The following F13B variants were observed in gnomAD, a reference collection of about 807,000 sequenced individuals.
F13B encodes the protein coagulation factor XIII B chain.
F13B carries 58 observed loss-of-function variants against 79.8 expected under a neutral mutation model. The ratio of observed to expected loss-of-function variants is 0.73; its 90% CI spans 0.59 to 0.90. The LOEUF is 0.90. Among genes scored for constraint, F13B ranks in the 40% least tolerant of loss-of-function variants. The pLI is 0.00. For synonymous variants in F13B, 283 were observed against 260.3 expected, an observed-to-expected ratio of 1.09 and a Z score of -0.84; for missense variants, 773 against 777.0, an observed-to-expected ratio of 0.99 and a Z score of 0.06.
At chr1:197,061,201 A>G in intron 3 of F13B, 126 bp from the exon 4 acceptor site, 1 of 520,512 alleles carries the variant, frequency 1.9e-6, no homozygotes, top group Non-Finnish European at 3.2e-6. Flanking sequence ...AAATTGAAAA[A>G]TAGCCCCAAT....
At position 197,050,679 on chromosome 1, in the gene F13B, A is replaced by T; in HGVS notation, c.1738+18T>A. On this transcript the variant is annotated intron_variant, in intron 10 of 11. Coordinates refer to ENST00000367412, the MANE Select transcript of F13B (RefSeq NM_001994.3). Reference sequence around the variant, plus strand: ...TATATAGTTTTACTTTGTTAGAGGCATATTTAGTAGTACATACCTAAACAC... The same window carrying T: ...TATATAGTTTTACTTTGTTAGAGGCTTATTTAGTAGTACATACCTAAACAC... The T allele has an allele frequency of 6.2e-7, 1 of 1,608,734 alleles. No homozygotes were observed. Among genetic ancestry groups the T allele is most frequent in the East Asian group, 2.2e-5 (1 of 44,756 alleles).
intron 10 of F13B, among the ~76,000 whole-genome samples, chr1:197,046,633 A>T (rs552006343): frequency 3.4e-4 from 52 of 152,302 alleles, no homozygotes; most frequent in African/African-American, 1.1e-3. Flanking sequence ...ACTACCATTG[A>T]CTTTCTTCAC....
intron 7 of F13B, 92 bp from the exon 8 acceptor site, chr1:197,055,989 A>G (rs1655628241): frequency 9.2e-7 from 1 of 1,089,042 alleles, no homozygotes; most frequent in East Asian, 2.6e-5. Context: ...TGTATTATAT[A>G]ATTTAGGACA....
In F13B at chr1:197,067,224, C is replaced by A. The variant is rs769513899; in HGVS notation, c.-1G>T. ...TAAAAGTCAGGTTTTTCAACCTCAT[C>A]TTCAGTGGTGTGCTTCACAAAGATT... On this transcript the variant is annotated 5_prime_UTR_variant, in exon 1 of 12. Coordinates refer to ENST00000367412, the MANE Select transcript of F13B (RefSeq NM_001994.3). 6 of 1,606,562 alleles carry A rather than the reference C, an allele frequency of 3.7e-6. No homozygotes were observed. The highest frequency in any genetic ancestry group is 3.3e-5 in the Admixed American group (2 of 59,920).
chr1:197,039,115 A>G lies in F13B; in HGVS notation c.*263T>C, dbSNP rs1000589721. 14 of 410,702 alleles carry G rather than the reference A, an allele frequency of 3.4e-5. No individual in the cohort carries two copies. The highest frequency in any genetic ancestry group is 2.3e-4 in the South Asian group (7 of 30,572). The allele number at this position is 410,702 out of a possible 1,614,324, so 25.4% of individuals were successfully genotyped here. On this transcript the variant is annotated 3_prime_UTR_variant, in exon 12 of 12. Coordinates refer to ENST00000367412, the MANE Select transcript of F13B (RefSeq NM_001994.3). ...TAGTCTAGTCAATGGGCATTAGGAA[A>G]TGAAAATATGATGTGTAGATTAATT...
intron 7 of F13B, 109 bp downstream of exon 7, chr1:197,056,904 T>C: frequency 9.1e-7 from 1 of 1,095,088 alleles, no homozygotes; most frequent in Non-Finnish European, 1.4e-6. Context: ...AATGTGTTTC[T>C]AATTTGCCTA....
chr1:197,040,041 T>C (rs1363319942), intron 11 of F13B: 2 of 153,960 alleles, frequency 1.3e-5, no homozygotes, highest in African/African-American at 4.8e-5. Flanking sequence ...TTCCTGTAAG[T>C]AGCAGAGGAT....
At chr1:197,045,868 A>T (rs920981899) in intron 10 of F13B, among the ~76,000 whole-genome samples, 1 of 152,192 alleles carries the variant, frequency 6.6e-6, no homozygotes, top group Non-Finnish European at 1.5e-5. Context: ...ACATACACAA[A>T]TCAATAAACA....
chr1:197,058,692 T>C (rs1447069699), intron 5 of F13B, among the ~76,000 whole-genome samples: 4 of 152,184 alleles, frequency 2.6e-5, no homozygotes, highest in Non-Finnish European at 5.9e-5. Flanking sequence ...ATAATATTCC[T>C]ACCTTAAGAT....
rs572898819 is a variant in F13B at position 197,045,992 on chromosome 1, C to G, written c.1738+4705G>C. Among the ~76,000 whole-genome samples, 55 of 152,174 alleles carry G rather than the reference C, an allele frequency of 3.6e-4. 1 individual carries two copies. Among genetic ancestry groups the G allele is most frequent in the African/African-American group, 1.3e-3 (54 of 41,528 alleles). On this transcript the variant is annotated intron_variant, in intron 10 of 11. Coordinates refer to ENST00000367412, the MANE Select transcript of F13B (RefSeq NM_001994.3). ...CTTCATGCTAAAAACTCTCAATAAA[C>G]AAGGTATTGAGGGAATGTACCTCAA...
chr1:197,065,990 GCTTA>G (rs10577078), intron 1 of F13B, among the ~76,000 whole-genome samples: 26,483 of 134,822 alleles, frequency 0.2, 3,734 homozygotes, highest in East Asian at 0.71. Context: ...TCTTCAAGCA[GCTTA>G]CTTTTTTTTT....
chr1:197,055,209 C>T (rs547955127), intron 8 of F13B, among the ~76,000 whole-genome samples: 1 of 151,932 alleles, frequency 6.6e-6, no homozygotes, highest in Non-Finnish European at 1.5e-5. Flanking sequence ...CATTAGCAAA[C>T]ACTTTTATAT....
chr1:197,049,445 G>A (rs1655360895), intron 10 of F13B, among the ~76,000 whole-genome samples: 1 of 151,970 alleles, frequency 6.6e-6, no homozygotes, highest in South Asian at 2.1e-4. Context: ...AGGATAGGAA[G>A]ATGTCATAAC....
rs5998 is a variant in F13B, at chr1:197,040,668, A to G, written c.1806T>C (p.Asn602=). The stretch of plus-strand genomic sequence containing the variant: ...ATTCACCATGCAAAATGTGTGGTCT[A>G]TTGTCAAAATCCCATTTCAGAAGTA... The part of the protein sequence containing the change: ...NNLLLKWDFD[N]RPHILHGEYI... Residue 602 remains asparagine (N), a synonymous_variant, in exon 11 of 12, where the codon AAT becomes AAC. Coordinates refer to ENST00000367412, the MANE Select transcript of F13B (RefSeq NM_001994.3). The G allele has an allele frequency of 0.49, 787,108 of 1,611,534 alleles. 200,693 individuals carry two copies. Among genetic ancestry groups the G allele is most frequent in the East Asian group, 0.83 (37,024 of 44,744 alleles).
intron 9 of F13B, among the ~76,000 whole-genome samples, chr1:197,051,845 C>T (rs1655452275): frequency 6.6e-6 from 1 of 152,016 alleles, no homozygotes; most frequent in African/African-American, 2.4e-5. Context: ...TGTTTATATC[C>T]TTTGCCTACT....
chr1:197,061,573 A>G (rs560224925), intron 3 of F13B, among the ~76,000 whole-genome samples: 2 of 152,202 alleles, frequency 1.3e-5, no homozygotes, highest in South Asian at 4.1e-4. Context: ...CAAAGTAGGA[A>G]CTATTGGCGT....
chr1:197,039,426 G>A lies in F13B; in HGVS notation c.1953-15C>T, dbSNP rs764225796. 23 of 1,607,528 alleles carry A rather than the reference G, an allele frequency of 1.4e-5. No homozygotes were observed. The highest frequency in any genetic ancestry group is 1.1e-4 in the South Asian group (10 of 89,832). ...AAGACAGAGTGCTTGAGGGGAAAAAGAGAGATTTTTGAAATAAGCATCAAT... is the reference window on the plus strand; with the variant it reads ...AAGACAGAGTGCTTGAGGGGAAAAAAAGAGATTTTTGAAATAAGCATCAAT... On this transcript the variant is annotated splice_polypyrimidine_tract_variant and intron_variant, in intron 11 of 11. Transcript: ENST00000367412.
Position 197,063,171 on chromosome 1 carries a change from T to C in F13B, c.65-114A>G. On this transcript the variant is annotated intron_variant, in intron 1 of 11. Coordinates refer to ENST00000367412, the MANE Select transcript of F13B (RefSeq NM_001994.3). ...TTAGAGACACTTCAACTAGTACTTA[T>C]TTTTCTTACTTAAATTTTTAAGGTA... is the stretch of plus-strand genomic sequence containing the variant. 4.8e-6 allele frequency: 4 copies of C among 838,524 alleles called. No homozygotes were observed. The Admixed American group carries it at 6.5e-5, about 14-fold the overall frequency. 51.9% of individuals were successfully genotyped at this position (838,524 alleles called of 1,614,324 possible).
At chr1:197,049,810 T>C (rs1655373735) in intron 10 of F13B, among the ~76,000 whole-genome samples, 8 of 152,066 alleles carry the variant, frequency 5.3e-5, no homozygotes, top group African/African-American at 1.4e-4. Context: ...ACATATAATA[T>C]GCATAATTTA....
Sources: allele counts gnomAD v4.1 joint callset (sites outside exome capture counted in the v4.1 genomes callset), GRCh38; gene constraint gnomAD v4.1.1; transcripts MANE v1.5; gene names NCBI Gene and HGNC (gene_info 2026-07-23, HGNC 2026-07-21).